VWA1: variants seen among roughly 807,000 people sequenced by gnomAD.
The protein encoded by VWA1 is von Willebrand factor A domain-containing protein 1.
A neutral mutation model predicts 14.9 loss-of-function variants in VWA1; 12 were observed. That is an observed-to-expected ratio of 0.80 (90% CI 0.52 to 1.30). The LOEUF (loss-of-function observed/expected upper bound fraction) is 1.30. Ranked by LOEUF, VWA1 falls within the 50% of genes most tolerant of loss-of-function variation. The pLI is 0.00. For missense variants in VWA1, 800 were observed against 649.1 expected (o/e 1.23, Z -2.53); for synonymous variants, 368 against 310.7 (o/e 1.18, Z -1.94).
In VWA1 at chr1:1,441,158, A is replaced by C. The variant is rs1638662344; in HGVS notation, c.*1371A>C. 6.6e-6 allele frequency: 1 copy of C among 152,210 alleles called. No individual in the cohort carries two copies. Among genetic ancestry groups the C allele is most frequent in the African/African-American group, 2.4e-5 (1 of 41,442 alleles). 9.4% of individuals were successfully genotyped at this position (152,210 alleles called of 1,614,324 possible). A position where few individuals can be genotyped will look rare whatever the true frequency, so the allele number is the denominator to read the frequency against. On this transcript the variant is annotated 3_prime_UTR_variant, in exon 3 of 3. Coordinates refer to ENST00000476993, the MANE Select transcript of VWA1 (RefSeq NM_022834.5). ...GACTCTGCGTGACCCCAGGAACTGCAGCATTGAGGTGGTCTCAGTCCCTCC... is the reference window on the plus strand; with the variant it reads ...GACTCTGCGTGACCCCAGGAACTGCCGCATTGAGGTGGTCTCAGTCCCTCC...
chr1:1,439,723 C>G lies in VWA1; in HGVS notation c.1274C>G (p.Pro425Arg). ...LSAKACTPDGPRPRPRPVPRA... is the reference protein window; with the variant it reads ...LSAKACTPDGRRPRPRPVPRA... ...GCCAAGGCCTGCACGCCCGACGGCC[C>G]GCGCCCGCGCCCACGCCCCGTGCCC... Residue 425 changes from proline to arginine, a missense_variant, in exon 3 of 3, where the codon CCG becomes CGG. Transcript: ENST00000476993. The G allele has an allele frequency of 1.8e-6, 2 of 1,131,970 alleles. No individual in the cohort carries two copies. Among genetic ancestry groups the G allele is most frequent in the Non-Finnish European group, 2.2e-6 (2 of 923,208 alleles). 70.1% of individuals were successfully genotyped at this position (1,131,970 alleles called of 1,614,324 possible).
chr1:1,436,416 G>T (rs1278942158), intron 1 of VWA1, among the ~76,000 whole-genome samples: 2 of 152,194 alleles, frequency 1.3e-5, no homozygotes, highest in Non-Finnish European at 2.9e-5. Context: ...CTAGTAAGCG[G>T]GGTCTGGGCT....
In VWA1 at chr1:1,439,694, G is replaced by T; in HGVS notation, c.1245G>T (p.Leu415=). Residue 415 remains leucine, a synonymous_variant, in exon 3 of 3, where the codon CTG becomes CTT. Transcript: ENST00000476993. ...AAFRSGRESA[L]SAKACTPDGP... The stretch of plus-strand genomic sequence containing the variant: ...TCCGCTCGGGCCGCGAGAGCGCGCT[G>T]TCCGCCAAGGCCTGCACGCCCGACG... 7.9e-7 allele frequency: 1 copy of T among 1,267,804 alleles called. No individual in the cohort carries two copies. Among genetic ancestry groups the T allele is most frequent in the Non-Finnish European group, 1.0e-6 (1 of 997,130 alleles). The allele number at this position is 1,267,804 out of a possible 1,614,324, so 78.5% of individuals were successfully genotyped here.
chr1:1,436,585 C>T (rs1437881157), intron 1 of VWA1, among the ~76,000 whole-genome samples: 3 of 152,194 alleles, frequency 2.0e-5, no homozygotes, highest in African/African-American at 4.8e-5. Context: ...AACAGCCCCA[C>T]GGCTCAGGCC....
rs146082867 is a variant in VWA1, at chr1:1,437,375, C to A, written c.522C>A (p.Asn174Lys). Residue 174 changes from asparagine to lysine, a missense_variant, in exon 2 of 3, where the codon AAC becomes AAA. Coordinates refer to ENST00000476993, the MANE Select transcript of VWA1 (RefSeq NM_022834.5). ...TVFIVSTGRGNFLELSAAASA... is the reference protein window; with the variant it reads ...TVFIVSTGRGKFLELSAAASA... ...TCATTGTCAGCACCGGCCGAGGCAA[C>A]TTCCTGGAGCTGTCAGCCGCTGCCT... is the stretch of plus-strand genomic sequence containing the variant. The A allele has an allele frequency of 3.1e-6, 5 of 1,612,716 alleles. No homozygotes were observed. The African/African-American group carries it at 4.0e-5, about 13-fold the overall frequency.
rs775531942 is a variant in VWA1 at position 1,435,763 on chromosome 1, G to A, written c.15G>A (p.Thr5=). 7 of 1,224,018 alleles carry A rather than the reference G, an allele frequency of 5.7e-6. No homozygotes were observed. The South Asian group carries it at 1.0e-4, about 18-fold the overall frequency. 75.8% of individuals were successfully genotyped at this position (1,224,018 alleles called of 1,614,324 possible). A position where few individuals can be genotyped will look rare whatever the true frequency, so the allele number is the denominator to read the frequency against. MLPW[T]ALGLALSLRL... ...CCTCGCGCGCGATGCTCCCCTGGAC[G>A]GCGCTCGGCCTGGCCCTGAGCTTGC... is the stretch of plus-strand genomic sequence containing the variant. The change falls in exon 1 of 3, where the codon ACG becomes ACA. Residue 5 remains threonine, a synonymous_variant. Coordinates refer to ENST00000476993, the MANE Select transcript of VWA1 (RefSeq NM_022834.5).
chr1:1,436,952 G>C lies in VWA1; in HGVS notation c.99G>C (p.Gly33=). 6.2e-7 allele frequency: 1 copy of C among 1,609,350 alleles called. No homozygotes were observed. Among genetic ancestry groups the C allele is most frequent in the Non-Finnish European group, 8.5e-7 (1 of 1,177,584 alleles). ...ERGPPASAPR[G]DLMFLLDSSA... ...GTCCACCAGCATCAGCCCCCCGAGG[G>C]GACCTGATGTTCCTGCTGGACAGCT... Residue 33 remains glycine, a synonymous_variant, in exon 2 of 3, where the codon GGG becomes GGC. Coordinates refer to ENST00000476993, the MANE Select transcript of VWA1 (RefSeq NM_022834.5).
chr1:1,435,752 C>T lies in VWA1; in HGVS notation c.4C>T (p.Leu2Phe), dbSNP rs1638522626. The change falls in exon 1 of 3, where the codon CTC (leucine) becomes TTC (phenylalanine). Residue 2 changes from leucine to phenylalanine, a missense_variant. Transcript: ENST00000476993. Reference protein sequence around the residue: MLPWTALGLALS... With the variant: MFPWTALGLALS... The stretch of plus-strand genomic sequence containing the variant: ...CGCGCCCCGTCCCTCGCGCGCGATG[C>T]TCCCCTGGACGGCGCTCGGCCTGGC... 2.5e-6 allele frequency: 3 copies of T among 1,205,938 alleles called. No homozygotes were observed. The African/African-American group carries it at 4.9e-5, about 20-fold the overall frequency. The allele number at this position is 1,205,938 out of a possible 1,614,324, so 74.7% of individuals were successfully genotyped here. A position where few individuals can be genotyped will look rare whatever the true frequency, so the allele number is the denominator to read the frequency against.
In VWA1 at chr1:1,440,567, T is replaced by G. The variant is rs13683; in HGVS notation, c.*780T>G. On this transcript the variant is annotated 3_prime_UTR_variant, in exon 3 of 3. Transcript: ENST00000476993. ...GGCCCCAGCAACCACACCATCTTCT[T>G]GCTGTGAGAGGTCTCACCCCGGGCT... 8,413 of 166,844 alleles carry G rather than the reference T, an allele frequency of 0.05. 311 individuals are homozygous for G. The highest frequency in any genetic ancestry group is 0.13 in the East Asian group (652 of 5,164). 10.3% of individuals were successfully genotyped at this position (166,844 alleles called of 1,614,324 possible).
chr1:1,439,970 C>G lies in VWA1; in HGVS notation c.*183C>G, dbSNP rs1410538419. 7 of 713,646 alleles carry G rather than the reference C, an allele frequency of 9.8e-6. No individual in the cohort carries two copies. Among genetic ancestry groups the G allele is most frequent in the Non-Finnish European group, 1.2e-5 (7 of 567,868 alleles). 44.2% of individuals were successfully genotyped at this position (713,646 alleles called of 1,614,324 possible). A position where few individuals can be genotyped will look rare whatever the true frequency, so the allele number is the denominator to read the frequency against. ...GCTTCCCCGCCTGGCGCCTGCCCTC[C>G]AGGGCTGGGGCCTCGCCTGGCGGGA... On this transcript the variant is annotated 3_prime_UTR_variant, in exon 3 of 3. Transcript: ENST00000476993.
In VWA1 at chr1:1,442,312, T is replaced by TGCACCTG. The variant is rs1237637888; in HGVS notation, c.*2527_*2533dup. On this transcript the variant is annotated 3_prime_UTR_variant, in exon 3 of 3. Coordinates refer to ENST00000476993, the MANE Select transcript of VWA1 (RefSeq NM_022834.5). ...CAAGGCCACTGCACGCTTTTCGACA[T>TGCACCTG]GCACCTGGAAATCGGGAAGGGCCAT... The TGCACCTG allele has an allele frequency of 6.6e-6, 1 of 152,296 alleles. No individual in the cohort carries two copies. The highest frequency in any genetic ancestry group is 1.5e-5 in the Non-Finnish European group (1 of 68,088). The allele number at this position is 152,296 out of a possible 1,614,324, so 9.4% of individuals were successfully genotyped here.
In VWA1 at chr1:1,439,748, C is replaced by T; in HGVS notation, c.1299C>T (p.Pro433=). Residue 433 remains proline, a synonymous_variant, in exon 3 of 3, where the codon CCC becomes CCT. Transcript: ENST00000476993. ...DGPRPRPRPV[P]RAPTPGTASR... ...CGCGCCCGCGCCCACGCCCCGTGCC[C>T]CGCGCCCCGACCCCGGGGACCGCCA... is the stretch of plus-strand genomic sequence containing the variant. The T allele has an allele frequency of 2.7e-6, 3 of 1,093,220 alleles. No homozygotes were observed. Among genetic ancestry groups the T allele is most frequent in the Non-Finnish European group, 3.3e-6 (3 of 900,594 alleles). The allele number at this position is 1,093,220 out of a possible 1,614,324, so 67.7% of individuals were successfully genotyped here.
In VWA1 at chr1:1,439,350, A is replaced by G. The variant is rs1235270036; in HGVS notation, c.901A>G (p.Thr301Ala). 1.9e-6 allele frequency: 3 copies of G among 1,554,222 alleles called. No homozygotes were observed. The highest frequency in any genetic ancestry group is 2.6e-6 in the Non-Finnish European group (3 of 1,156,606). ...LLRPQILRVR[T>A]RPGEAGPGAS... The stretch of plus-strand genomic sequence containing the variant: ...GAGGCCCCAGATCCTGCGGGTGCGC[A>G]CGCGGCCCGGTGAGGCAGGGCCGGG... The change falls in exon 3 of 3, where the codon ACG becomes GCG. Residue 301 changes from threonine to alanine, a missense_variant. By Grantham distance (58) the Thr-to-Ala change is moderately conservative. Transcript: ENST00000476993.
rs1469402927 is a variant in VWA1, at chr1:1,435,756, C to T, written c.8C>T (p.Pro3Leu). 28 of 1,225,878 alleles carry T rather than the reference C, an allele frequency of 2.3e-5. No homozygotes were observed. Among genetic ancestry groups the T allele is most frequent in the African/African-American group, 3.3e-5 (2 of 61,488 alleles). 75.9% of individuals were successfully genotyped at this position (1,225,878 alleles called of 1,614,324 possible). Residue 3 changes from proline (P) to leucine (L), a missense_variant, in exon 1 of 3, where the codon CCC becomes CTC. Transcript: ENST00000476993. ML[P>L]WTALGLALSL... is the part of the protein sequence containing the mutation. ...CCCCGTCCCTCGCGCGCGATGCTCCCCTGGACGGCGCTCGGCCTGGCCCTG... is the reference window on the plus strand; with the variant it reads ...CCCCGTCCCTCGCGCGCGATGCTCCTCTGGACGGCGCTCGGCCTGGCCCTG...
chr1:1,440,306 G>A lies in VWA1; in HGVS notation c.*519G>A, dbSNP rs1638641518. On this transcript the variant is annotated 3_prime_UTR_variant, in exon 3 of 3. Coordinates refer to ENST00000476993, the MANE Select transcript of VWA1 (RefSeq NM_022834.5). ...GTGGCCAGGATGCTCAGCTGGCCAGGAGGGCAGCACCTGCTGGGGACGGTG... is the reference window on the plus strand; with the variant it reads ...GTGGCCAGGATGCTCAGCTGGCCAGAAGGGCAGCACCTGCTGGGGACGGTG... 2 of 167,014 alleles carry A rather than the reference G, an allele frequency of 1.2e-5. No homozygotes were observed. The highest frequency in any genetic ancestry group is 4.8e-5 in the African/African-American group (2 of 41,470). 10.3% of individuals were successfully genotyped at this position (167,014 alleles called of 1,614,324 possible).
rs1469136649 is a variant in VWA1 at position 1,439,421 on chromosome 1, C to A, written c.972C>A (p.Leu324=). Residue 324 remains leucine (L), a synonymous_variant, in exon 3 of 3, where the codon CTC becomes CTA. Coordinates refer to ENST00000476993, the MANE Select transcript of VWA1 (RefSeq NM_022834.5). ...ESGAGPAPTQ[L]AALPAPEEAG... Reference sequence around the variant, plus strand: ...GGGCTGGGCCGGCCCCCACGCAGCTCGCCGCCCTCCCCGCCCCAGAGGAGG... The same window carrying A: ...GGGCTGGGCCGGCCCCCACGCAGCTAGCCGCCCTCCCCGCCCCAGAGGAGG... 1 of 1,410,210 alleles carries A rather than the reference C, an allele frequency of 7.1e-7. No individual in the cohort carries two copies. Among genetic ancestry groups the A allele is most frequent in the Admixed American group, 3.4e-5 (1 of 29,534 alleles). 87.4% of individuals were successfully genotyped at this position (1,410,210 alleles called of 1,614,324 possible).
In VWA1 at chr1:1,435,739, C is replaced by G; in HGVS notation, c.-10C>G. 8.3e-6 allele frequency: 10 copies of G among 1,207,610 alleles called. No individual in the cohort carries two copies. Among genetic ancestry groups the G allele is most frequent in the Non-Finnish European group, 1.0e-5 (10 of 965,936 alleles). The allele number at this position is 1,207,610 out of a possible 1,614,324, so 74.8% of individuals were successfully genotyped here. Reference sequence around the variant, plus strand: ...GCGAGTTGCCGAGCGCGCCCCGTCCCTCGCGCGCGATGCTCCCCTGGACGG... The same window carrying G: ...GCGAGTTGCCGAGCGCGCCCCGTCCGTCGCGCGCGATGCTCCCCTGGACGG... On this transcript the variant is annotated 5_prime_UTR_variant, in exon 1 of 3. Coordinates refer to ENST00000476993, the MANE Select transcript of VWA1 (RefSeq NM_022834.5).
Position 1,439,398 on chromosome 1 carries a change from G to T in VWA1, c.949G>T (p.Ala317Ser), listed in dbSNP as rs996884051. 1 of 1,456,188 alleles carries T rather than the reference G, an allele frequency of 6.9e-7. No homozygotes were observed. The highest frequency in any genetic ancestry group is 9.0e-7 in the Non-Finnish European group (1 of 1,114,096). 90.2% of individuals were successfully genotyped at this position (1,456,188 alleles called of 1,614,324 possible). A position where few individuals can be genotyped will look rare whatever the true frequency, so the allele number is the denominator to read the frequency against. The change falls in exon 3 of 3, where the codon GCT becomes TCT. Residue 317 changes from alanine (A) to serine (S), a missense_variant. Coordinates refer to ENST00000476993, the MANE Select transcript of VWA1 (RefSeq NM_022834.5). Reference sequence around the variant, plus strand: ...GGGGGCTTCGGGCCCGGAGTCGGGGGCTGGGCCGGCCCCCACGCAGCTCGC... The same window carrying T: ...GGGGGCTTCGGGCCCGGAGTCGGGGTCTGGGCCGGCCCCCACGCAGCTCGC... The part of the protein sequence containing the change: ...GPGASGPESG[A>S]GPAPTQLAAL...
chr1:1,436,585 CG>C (rs1638549518), intron 1 of VWA1, among the ~76,000 whole-genome samples: 3 of 152,194 alleles, frequency 2.0e-5, no homozygotes, highest in African/African-American at 7.2e-5. Context: ...AACAGCCCCA[CG>C]GCTCAGGCCT....
Sources: allele counts gnomAD v4.1 joint callset (sites outside exome capture counted in the v4.1 genomes callset), GRCh38; gene constraint gnomAD v4.1.1; transcripts MANE v1.5; gene names NCBI Gene and HGNC (gene_info 2026-07-23, HGNC 2026-07-21).